ACOT12: variants seen among roughly 807,000 people sequenced by gnomAD.
The protein encoded by ACOT12 is acyl-CoA thioesterase 12, also known as acetyl-coenzyme A thioesterase.
Under a neutral mutation model 67.7 loss-of-function variants are expected in ACOT12, and 51 were observed. That is an observed-to-expected ratio of 0.75 (90% CI 0.60 to 0.95). ACOT12 has a LOEUF of 0.95. Among genes scored for constraint, ACOT12 ranks in the 40% least tolerant of loss-of-function variants. ACOT12 has a pLI of 0.00. For synonymous variants in ACOT12, 251 were observed against 244.6 expected, an observed-to-expected ratio of 1.03 and a Z score of -0.24; for missense variants, 734 against 708.1, an observed-to-expected ratio of 1.04 and a Z score of -0.41.
rs763606530 is a variant in ACOT12, at chr5:81,363,659, G to A, written c.360+129C>T. The A allele has an allele frequency of 6.8e-6, 4 of 584,808 alleles. No individual in the cohort carries two copies. In the East Asian group the frequency reaches 1.3e-4, roughly 19 times the overall value. 36.2% of individuals were successfully genotyped at this position (584,808 alleles called of 1,614,324 possible). A position where few individuals can be genotyped will look rare whatever the true frequency, so the allele number is the denominator to read the frequency against. On this transcript the variant is annotated intron_variant, in intron 4 of 14. Transcript: ENST00000307624. Reference sequence around the variant, plus strand: ...GATAACTTTTGCAATAAATATTGGTGAATAACAAATCTTGGGGAAGTATAT... The same window carrying A: ...GATAACTTTTGCAATAAATATTGGTAAATAACAAATCTTGGGGAAGTATAT...
At position 81,363,873 on chromosome 5, in the gene ACOT12, A is replaced by G; in HGVS notation, c.275T>C (p.Met92Thr). Residue 92 changes from methionine to threonine, a missense_variant, in exon 4 of 15, where the codon ATG (methionine) becomes ACG (threonine). Coordinates refer to ENST00000307624, the MANE Select transcript of ACOT12 (RefSeq NM_130767.3). ...STSMEISIKV[M>T]VQDMLTGIEK... The stretch of plus-strand genomic sequence containing the variant: ...AATGCCAGTGAGCATATCCTGTACC[A>G]TGACCTTGATACTGATCTAAAATGA... The G allele has an allele frequency of 6.2e-7, 1 of 1,607,408 alleles. No individual in the cohort carries two copies. Among genetic ancestry groups the G allele is most frequent in the South Asian group, 1.1e-5 (1 of 90,140 alleles).
intron 4 of ACOT12, among the ~76,000 whole-genome samples, chr5:81,362,445 C>T (rs1255239907): frequency 6.6e-6 from 1 of 152,176 alleles, no homozygotes; most frequent in Admixed American, 6.5e-5. Flanking sequence ...GGATTACAGG[C>T]ATGAGCCACC....
At position 81,344,941 on chromosome 5, in the gene ACOT12, C is replaced by T. The variant is rs768431411; in HGVS notation, c.874G>A (p.Asp292Asn). 1 of 1,614,178 alleles carries T rather than the reference C, an allele frequency of 6.2e-7. No homozygotes were observed. The highest frequency in any genetic ancestry group is 8.5e-7 in the Non-Finnish European group (1 of 1,180,034). The change falls in exon 8 of 15, where the codon GAT (aspartate) becomes AAT (asparagine). Residue 292 changes from aspartate to asparagine, a missense_variant. Physicochemically the swap from Asp to Asn is conservative, Grantham distance 23. Transcript: ENST00000307624. The part of the protein sequence containing the change: ...NSAFLIYNAA[D>N]DKENLITFPR... ...AACGTGATGAGATTTTCCTTATCATCAGCAGCATTGTAAATGAGAAAAGCA... is the reference window on the plus strand; with the variant it reads ...AACGTGATGAGATTTTCCTTATCATTAGCAGCATTGTAAATGAGAAAAGCA...
At chr5:81,323,955 T>TA in the ACOT12 span, among the ~76,000 whole-genome samples, 2 of 149,542 alleles carry the variant, frequency 1.3e-5, no homozygotes, top group South Asian at 2.1e-4. Flanking sequence ...TATATATATA[T>TA]TTTTTAGACA....
the ACOT12 span, among the ~76,000 whole-genome samples, chr5:81,316,542 T>C: frequency 6.6e-6 from 1 of 152,256 alleles, no homozygotes; most frequent in Non-Finnish European, 1.5e-5. Flanking sequence ...TTTTGGTTAT[T>C]ATTAACAAGG....
chr5:81,337,184 T>C (rs1759031539), intron 11 of ACOT12, among the ~76,000 whole-genome samples: 1 of 152,076 alleles, frequency 6.6e-6, no homozygotes, highest in Non-Finnish European at 1.5e-5. Context: ...ATCCAATCGG[T>C]GGTTGGTAGG....
chr5:81,326,409 C>T (rs1357542264), downstream of ACOT12, among the ~76,000 whole-genome samples: 1 of 152,130 alleles, frequency 6.6e-6, no homozygotes, highest in African/African-American at 2.4e-5. Context: ...CATTCATGAG[C>T]CACCACGCCT....
chr5:81,312,476 A>G, the ACOT12 span: 40 of 1,269,758 alleles, frequency 3.2e-5, no homozygotes, highest in Non-Finnish European at 7.9e-6. Context: ...TCCCAAACCA[A>G]TAACAATCTG....
intron 2 of ACOT12, among the ~76,000 whole-genome samples, chr5:81,377,869 C>T (rs959663274): frequency 6.6e-6 from 1 of 152,196 alleles, no homozygotes; most frequent in Non-Finnish European, 1.5e-5. Flanking sequence ...ATTCCCTGCT[C>T]ATGGATAGGA....
At chr5:81,382,665 G>T (rs1321100280) in intron 2 of ACOT12, among the ~76,000 whole-genome samples, 1 of 152,124 alleles carries the variant, frequency 6.6e-6, no homozygotes, top group Non-Finnish European at 1.5e-5. Context: ...GCTGGGTGTT[G>T]TGGCAGGCCC....
rs1760261329 is a variant in ACOT12 at position 81,371,769 on chromosome 5, G to A, written c.239C>T (p.Ala80Val). Residue 80 changes from alanine to valine, a missense_variant, in exon 3 of 15, where the codon GCA becomes GTA. By Grantham distance (64) the Ala-to-Val change is moderately conservative (BLOSUM62 0). Coordinates refer to ENST00000307624, the MANE Select transcript of ACOT12 (RefSeq NM_130767.3). ...TCTTACCTCCATGCTTGTGCTGAAT[G>A]CTCTAGTAACTTTTGCTTTGATGGT... Reference protein sequence around the residue: ...VITIKAKVTRAFSTSMEISIK... With the variant: ...VITIKAKVTRVFSTSMEISIK... 1 of 1,613,974 alleles carries A rather than the reference G, an allele frequency of 6.2e-7. No individual in the cohort carries two copies. The highest frequency in any genetic ancestry group is 1.7e-5 in the Admixed American group (1 of 60,004).
At chr5:81,356,226 G>A (rs1379765417) in intron 5 of ACOT12, among the ~76,000 whole-genome samples, 2 of 152,096 alleles carry the variant, frequency 1.3e-5, no homozygotes, top group African/African-American at 4.8e-5. Flanking sequence ...CACACTTGCC[G>A]ATGTCACCAA....
Position 81,360,054 on chromosome 5 carries a change from C to T in ACOT12, c.361-16G>A. The T allele has an allele frequency of 6.3e-7, 1 of 1,590,368 alleles. No homozygotes were observed. Among genetic ancestry groups the T allele is most frequent in the Non-Finnish European group, 8.5e-7 (1 of 1,173,546 alleles). ...TTAAATGAATCTAGAGAAAGAAAAG[C>T]ATTTATCTTTTATTGCCTTGTTAAA... On this transcript the variant is annotated splice_polypyrimidine_tract_variant and intron_variant, in intron 4 of 14. Coordinates refer to ENST00000307624, the MANE Select transcript of ACOT12 (RefSeq NM_130767.3).
In ACOT12 at chr5:81,381,072, T is replaced by TA. The variant is rs1455406222; in HGVS notation, c.197+4684_197+4685insT. On this transcript the variant is annotated intron_variant, in intron 2 of 14. Transcript: ENST00000307624. ...GTAAAAATGCAGTATTAAAACCTTTTTTTTTTTTTTAGAGATGGGGTTTTG... is the reference window on the plus strand; with the variant it reads ...GTAAAAATGCAGTATTAAAACCTTTTATTTTTTTTTTAGAGATGGGGTTTTG... Among the ~76,000 whole-genome samples the TA allele has an allele frequency of 3.3e-5, 5 of 152,132 alleles. No homozygotes were observed. The East Asian group carries it at 9.7e-4, about 29-fold the overall frequency.
At chr5:81,354,581 C>A (rs988776472) in intron 5 of ACOT12, among the ~76,000 whole-genome samples, 1 of 152,134 alleles carries the variant, frequency 6.6e-6, no homozygotes, top group Non-Finnish European at 1.5e-5. Context: ...AGCAGAGATC[C>A]CCATTCCTCC....
chr5:81,342,205 G>C (rs923603771), intron 11 of ACOT12, among the ~76,000 whole-genome samples: 4 of 152,100 alleles, frequency 2.6e-5, no homozygotes, highest in East Asian at 1.9e-4. Flanking sequence ...TGCCTGGGCT[G>C]GTATCAAACT....
chr5:81,354,532 C>T (rs567522296), intron 5 of ACOT12, among the ~76,000 whole-genome samples: 2 of 152,076 alleles, frequency 1.3e-5, no homozygotes, highest in Non-Finnish European at 2.9e-5. Flanking sequence ...TCCTAGCAAC[C>T]CTTCCCAATA....
intron 4 of ACOT12, among the ~76,000 whole-genome samples, chr5:81,363,088 A>C (rs1163279570): frequency 6.6e-6 from 1 of 152,026 alleles, no homozygotes; most frequent in African/African-American, 2.4e-5. Flanking sequence ...TGATCCTTGG[A>C]GTGAAAGACT....
At chr5:81,340,871 T>C (rs1173246530) in intron 11 of ACOT12, among the ~76,000 whole-genome samples, 4 of 152,212 alleles carry the variant, frequency 2.6e-5, no homozygotes, top group Non-Finnish European at 5.9e-5. Flanking sequence ...GAAATTCAAA[T>C]TCAATGGAAA....
Sources: allele counts gnomAD v4.1 joint callset (sites outside exome capture counted in the v4.1 genomes callset), GRCh38; gene constraint gnomAD v4.1.1; transcripts MANE v1.5; gene names NCBI Gene and HGNC (gene_info 2026-07-23, HGNC 2026-07-21).